The following RELN variants were observed in gnomAD, a reference collection of about 807,000 sequenced individuals.
RELN encodes the protein reelin.
A neutral mutation model predicts 427.6 loss-of-function variants in RELN; 108 were observed. The observed-to-expected ratio is 0.25, with a 90% CI of 0.22 to 0.30. RELN has a LOEUF of 0.30. Ranked by LOEUF, RELN falls within the 10% of genes least tolerant of loss-of-function variation. The probability of loss-of-function intolerance (pLI) is 1.00; values close to 1 mark genes in which losing one functional copy is unlikely to be tolerated. For synonymous variants in RELN, 1,524 were observed against 1,513.4 expected (o/e 1.01, Z -0.16); for missense variants, 3,715 against 4,302.8 (o/e 0.86, Z 3.82).
intron 10 of RELN, among the ~76,000 whole-genome samples, chr7:103,693,169 G>C (rs1281968672): frequency 6.6e-6 from 1 of 152,106 alleles, no homozygotes; most frequent in Non-Finnish European, 1.5e-5. Context: ...CAGCCATATG[G>C]AAGGATGAGT....
intron 6 of RELN, among the ~76,000 whole-genome samples, chr7:103,739,491 G>C (rs1254003851): frequency 2.6e-5 from 4 of 152,094 alleles, no homozygotes; most frequent in Admixed American, 2.6e-4. Flanking sequence ...CTGGTAAAGT[G>C]GTATTCATTC....
chr7:103,542,552 A>C (rs1253750708), intron 43 of RELN, among the ~76,000 whole-genome samples, 179 bp downstream of exon 43: 1 of 152,136 alleles, frequency 6.6e-6, no homozygotes, highest in Non-Finnish European at 1.5e-5. Context: ...ATCTCTTTCA[A>C]TTTTAGAATA....
At chr7:103,641,591 T>G (rs1190152310) in intron 16 of RELN, among the ~76,000 whole-genome samples, 1 of 152,174 alleles carries the variant, frequency 6.6e-6, no homozygotes, top group African/African-American at 2.4e-5. Flanking sequence ...GAAATTCTGA[T>G]AAGTAATTTA....
chr7:103,795,852 T>C (rs949480851), intron 3 of RELN, among the ~76,000 whole-genome samples: 1 of 152,222 alleles, frequency 6.6e-6, no homozygotes, highest in Admixed American at 6.5e-5. Flanking sequence ...AATACCATTT[T>C]GACACAGCTA....
intron 13 of RELN, 49 bp downstream of exon 13, chr7:103,654,044 C>T (rs1444531683): frequency 1.9e-6 from 2 of 1,041,592 alleles, no homozygotes; most frequent in Non-Finnish European, 3.0e-6. Context: ...TTGGGCTTGT[C>T]CAGGGTGGTC....
intron 24 of RELN, among the ~76,000 whole-genome samples, chr7:103,601,330 G>A (rs943778286): frequency 2.0e-5 from 3 of 152,090 alleles, no homozygotes; most frequent in Non-Finnish European, 2.9e-5. Context: ...CCATGTCAAC[G>A]GATAGGAAAT....
At chr7:103,583,583 T>C (rs576147655) in intron 28 of RELN, among the ~76,000 whole-genome samples, 2 of 152,316 alleles carry the variant, frequency 1.3e-5, no homozygotes, top group African/African-American at 4.8e-5. Context: ...TGACCAGAGA[T>C]ATCAGACACC....
chr7:103,901,923 T>G (rs186985109), intron 2 of RELN, among the ~76,000 whole-genome samples: 95 of 152,208 alleles, frequency 6.2e-4, no homozygotes, highest in Non-Finnish European at 1.3e-4. Context: ...AACACACTAC[T>G]GTTTAACTTT....
rs1793328921 is a variant in RELN, at chr7:103,833,658, G to A, written c.352C>T (p.His118Tyr). 1.2e-6 allele frequency: 2 copies of A among 1,613,598 alleles called. No individual in the cohort carries two copies. Among genetic ancestry groups the A allele is most frequent in the Non-Finnish European group, 1.7e-6 (2 of 1,179,722 alleles). ...SAFGFGIMSD[H>Y]QFGNQFMCSV... is the part of the protein sequence containing the mutation. ...CACATAAACTGGTTACCAAACTGGT[G>A]GTCAGACATGATCCCTAAGAGAAAG... The change falls in exon 3 of 65, where the codon CAC becomes TAC. Residue 118 changes from histidine (H) to tyrosine (Y), a missense_variant. By Grantham distance (83) the His-to-Tyr change is moderately conservative. Coordinates refer to ENST00000428762, the MANE Select transcript of RELN (RefSeq NM_005045.4).
intron 16 of RELN, among the ~76,000 whole-genome samples, chr7:103,645,105 T>C (rs1008518877): frequency 1.4e-4 from 21 of 151,732 alleles, no homozygotes; most frequent in Admixed American, 1.3e-3. Context: ...ACTAGACCAA[T>C]CCCACAAGAA....
At chr7:103,858,550 TTTTG>T (rs1436529863) in intron 2 of RELN, among the ~76,000 whole-genome samples, 1 of 152,216 alleles carries the variant, frequency 6.6e-6, no homozygotes, top group Non-Finnish European at 1.5e-5. Flanking sequence ...GAGGCTTTGC[TTTTG>T]TTTTGCAGTT....
intron 20 of RELN, among the ~76,000 whole-genome samples, chr7:103,615,454 C>A (rs112237442): frequency 5.3e-5 from 8 of 152,132 alleles, no homozygotes; most frequent in African/African-American, 1.7e-4. Flanking sequence ...AGGGATCATA[C>A]CTTATTCATC....
At chr7:103,494,540 A>G (rs1828772495) in intron 57 of RELN, among the ~76,000 whole-genome samples, 1 of 70,224 alleles carries the variant, frequency 1.4e-5, no homozygotes, top group Non-Finnish European at 2.4e-5. Flanking sequence ...ACGCCCAGCT[A>G]ATTTTTTTTT....
intron 42 of RELN, among the ~76,000 whole-genome samples, chr7:103,544,697 A>G (rs1467260337): frequency 7.4e-6 from 1 of 135,724 alleles, no homozygotes; most frequent in Admixed American, 7.8e-5. Context: ...GTCTTCACAC[A>G]TAATGATACT....
chr7:103,474,389 CAAAG>C (rs1314225588), intron 64 of RELN, among the ~76,000 whole-genome samples: 2 of 151,966 alleles, frequency 1.3e-5, no homozygotes, highest in Non-Finnish European at 2.9e-5. Context: ...AAAATGGAAA[CAAAG>C]AATATATCCT....
chr7:103,663,810 G>A (rs1833197590), intron 11 of RELN, among the ~76,000 whole-genome samples: 2 of 152,156 alleles, frequency 1.3e-5, no homozygotes, highest in African/African-American at 4.8e-5. Context: ...TAGGTTCTAG[G>A]CACACACTTT....
chr7:103,583,215 G>C (rs1434679138), intron 28 of RELN, among the ~76,000 whole-genome samples: 1 of 152,130 alleles, frequency 6.6e-6, no homozygotes, highest in Non-Finnish European at 1.5e-5. Context: ...CTGGTTCTGA[G>C]GCCTTTGGTC....
intron 3 of RELN, among the ~76,000 whole-genome samples, chr7:103,788,898 A>G (rs1333924099): frequency 1.3e-5 from 2 of 152,206 alleles, no homozygotes; most frequent in African/African-American, 4.8e-5. Flanking sequence ...AAGCAAAAAG[A>G]ACAAAGCTGG....
Position 103,652,759 on chromosome 7 carries a change from C to G in RELN, c.1555G>C (p.Val519Leu), listed in dbSNP as rs560704715. 3 of 1,612,426 alleles carry G rather than the reference C, an allele frequency of 1.9e-6. No homozygotes were observed. Among genetic ancestry groups the G allele is most frequent in the Non-Finnish European group, 2.5e-6 (3 of 1,179,006 alleles). ...LDTLSYSSYK[V>L]PSLVSVVINP... is the part of the protein sequence containing the mutation. ...ATGACCACAGAAACCAAAGACGGAACCTTTCAAACAAAGGAGACCAGAATC... is the reference window on the plus strand; with the variant it reads ...ATGACCACAGAAACCAAAGACGGAAGCTTTCAAACAAAGGAGACCAGAATC... The change falls in exon 14 of 65, where the codon GTT becomes CTT. Residue 519 changes from valine to leucine, a missense_variant and splice_region_variant. Physicochemically the swap from Val to Leu is conservative, Grantham distance 32 (BLOSUM62 1). Around this residue, in one of 4 missense-constraint regions of RELN, gnomAD observed 2,208 missense variants for 2,361.7 expected, o/e 0.93. Transcript: ENST00000428762.
Sources: gnomAD v4.1 joint callset for allele counts (sites outside exome capture counted in the v4.1 genomes callset) on GRCh38, gnomAD v4.1.1 for gene constraint, gnomAD v4.1.1 regional missense constraint, MANE v1.5 for transcripts, NCBI Gene and HGNC (gene_info 2026-07-23, HGNC 2026-07-21) for gene names.